The following GRAP2 variants were observed in gnomAD, a reference collection of about 807,000 sequenced individuals.
GRAP2 encodes the protein GRB2-related adapter protein 2.
In GRAP2, 31 loss-of-function variants were observed where a neutral mutation model predicts 43.5. The ratio of observed to expected loss-of-function variants is 0.71; its 90% CI spans 0.54 to 0.96. The LOEUF (loss-of-function observed/expected upper bound fraction) is 0.96, where lower values mean the gene tolerates loss of function less well. Ranked by LOEUF, GRAP2 falls within the 40% of genes least tolerant of loss-of-function variation. The pLI is 0.00. For synonymous variants in GRAP2, 156 were observed against 164.8 expected (o/e 0.95, Z 0.41); for missense variants, 371 against 424.4 (o/e 0.87, Z 1.11).
chr22:39,951,945 AGAG>A (rs773826275), intron 2 of GRAP2, among the ~76,000 whole-genome samples: 3 of 152,040 alleles, frequency 2.0e-5, no homozygotes, highest in Non-Finnish European at 4.4e-5. Context: ...TTCAGTTTCT[AGAG>A]GAGGTCTGAG....
chr22:39,930,211 A>G (rs1055611774), intron 1 of GRAP2, among the ~76,000 whole-genome samples: 1 of 152,180 alleles, frequency 6.6e-6, no homozygotes. Flanking sequence ...TTCTATTTCT[A>G]TTGGATAACA....
chr22:39,909,262 G>A (rs981463485), intron 1 of GRAP2, among the ~76,000 whole-genome samples: 1 of 152,204 alleles, frequency 6.6e-6, no homozygotes, highest in African/African-American at 2.4e-5. Flanking sequence ...CAAAGAAGGA[G>A]AAAGTGTGAA....
At chr22:39,913,490 C>T (rs1341289405) in intron 1 of GRAP2, among the ~76,000 whole-genome samples, 1 of 152,180 alleles carries the variant, frequency 6.6e-6, no homozygotes, top group African/African-American at 2.4e-5. Flanking sequence ...AGGCCAGCAG[C>T]AGGCATGACC....
intron 1 of GRAP2, among the ~76,000 whole-genome samples, chr22:39,911,070 A>T (rs2066560422): frequency 6.6e-6 from 1 of 152,308 alleles, no homozygotes; most frequent in East Asian, 1.9e-4. Flanking sequence ...TGCGGTGAGG[A>T]TATGCGACAA....
intron 1 of GRAP2, among the ~76,000 whole-genome samples, chr22:39,942,762 C>A (rs1024690971): frequency 1.3e-5 from 2 of 152,174 alleles, no homozygotes; most frequent in Non-Finnish European, 2.9e-5. Flanking sequence ...TGCACATCAG[C>A]CTGGTCAACA....
At chr22:39,925,390 T>G (rs2066688444) in intron 1 of GRAP2, among the ~76,000 whole-genome samples, 1 of 152,184 alleles carries the variant, frequency 6.6e-6, no homozygotes, top group African/African-American at 2.4e-5. Flanking sequence ...AGTGATATTG[T>G]GATCCTGTGT....
intron 1 of GRAP2, among the ~76,000 whole-genome samples, chr22:39,923,626 G>A (rs565591015): frequency 6.6e-6 from 1 of 152,144 alleles, no homozygotes; most frequent in African/African-American, 2.4e-5. Flanking sequence ...CAATTATCGA[G>A]TAAATGATTG....
chr22:39,927,924 A>G (rs1418784874), intron 1 of GRAP2, among the ~76,000 whole-genome samples: 1 of 152,202 alleles, frequency 6.6e-6, no homozygotes, highest in Non-Finnish European at 1.5e-5. Flanking sequence ...TACTGGTACT[A>G]TGGATACCAC....
intron 1 of GRAP2, among the ~76,000 whole-genome samples, chr22:39,931,452 T>G (rs2066754366): frequency 1.3e-5 from 2 of 152,334 alleles, no homozygotes; most frequent in South Asian, 4.1e-4. Flanking sequence ...GACAAGGTTC[T>G]AGGATGGTGC....
At chr22:39,925,528 C>A (rs1407358090) in intron 1 of GRAP2, among the ~76,000 whole-genome samples, 3 of 152,134 alleles carry the variant, frequency 2.0e-5, no homozygotes, top group Non-Finnish European at 4.4e-5. Flanking sequence ...CCCTCCAAGT[C>A]CACCTCCTCA....
chr22:39,962,552 C>G (rs879278777), intron 4 of GRAP2, among the ~76,000 whole-genome samples: 2 of 152,116 alleles, frequency 1.3e-5, no homozygotes, highest in Non-Finnish European at 2.9e-5. Flanking sequence ...CTCTTTACCC[C>G]ATCATAAACT....
chr22:39,905,356 A>G (rs2066516440), intron 1 of GRAP2, among the ~76,000 whole-genome samples: 2 of 152,144 alleles, frequency 1.3e-5, no homozygotes. Context: ...ATATTTATTG[A>G]GTGCATAAGT....
intron 5 of GRAP2, among the ~76,000 whole-genome samples, chr22:39,966,935 A>G (rs745665521): frequency 1.3e-5 from 2 of 152,174 alleles, no homozygotes; most frequent in Non-Finnish European, 2.9e-5. Context: ...AGTCTGGTCC[A>G]TATTAAACAC....
At chr22:39,940,291 T>C (rs1218489208) in intron 1 of GRAP2, among the ~76,000 whole-genome samples, 1 of 151,696 alleles carries the variant, frequency 6.6e-6, no homozygotes, top group Non-Finnish European at 1.5e-5. Flanking sequence ...TGGTTTAGAA[T>C]AGAGCAAAAA....
At chr22:39,900,251 C>T (rs1408070443), upstream of GRAP2, among the ~76,000 whole-genome samples, 1 of 152,180 alleles carries the variant, frequency 6.6e-6, no homozygotes, top group African/African-American at 2.4e-5. Flanking sequence ...TTGAATCTCT[C>T]CTTGACACTC....
At chr22:39,906,195 C>T (rs901517260) in intron 1 of GRAP2, among the ~76,000 whole-genome samples, 1 of 152,074 alleles carries the variant, frequency 6.6e-6, no homozygotes, top group African/African-American at 2.4e-5. Flanking sequence ...GAGAAATTTC[C>T]TCTCATTTTT....
At chr22:39,934,419 C>A (rs963021562) in intron 1 of GRAP2, among the ~76,000 whole-genome samples, 3 of 152,134 alleles carry the variant, frequency 2.0e-5, no homozygotes, top group Non-Finnish European at 4.4e-5. Flanking sequence ...TTCAAAAGTC[C>A]ATTTTCCATT....
At chr22:39,945,347 G>C (rs1268416930) in intron 1 of GRAP2, among the ~76,000 whole-genome samples, 6 of 152,152 alleles carry the variant, frequency 3.9e-5, no homozygotes, top group Non-Finnish European at 8.8e-5. Flanking sequence ...TCGAAAGATT[G>C]AACAATTGTG....
Position 39,966,018 on chromosome 22 carries a change from G to A in GRAP2, c.319G>A (p.Val107Ile). 6.2e-7 allele frequency: 1 copy of A among 1,614,122 alleles called. No individual in the cohort carries two copies. The highest frequency in any genetic ancestry group is 8.5e-7 in the Non-Finnish European group (1 of 1,179,942). ...RHEDDVQHFK[V>I]MRDNKGNYFL... Reference sequence around the variant, plus strand: ...TGAGGATGACGTTCAACACTTCAAGGTCATGCGAGACAACAAGGGTAATTA... The same window carrying A: ...TGAGGATGACGTTCAACACTTCAAGATCATGCGAGACAACAAGGGTAATTA... The change falls in exon 5 of 8, where the codon GTC (valine) becomes ATC (isoleucine). Residue 107 changes from valine (V) to isoleucine (I), a missense_variant. Physicochemically the swap from Val to Ile is conservative, Grantham distance 29. Transcript: ENST00000344138.
Sources: allele counts gnomAD v4.1 joint callset (sites outside exome capture counted in the v4.1 genomes callset), GRCh38; gene constraint gnomAD v4.1.1; transcripts MANE v1.5; gene names NCBI Gene and HGNC (gene_info 2026-07-23, HGNC 2026-07-21).